B3GALT1: variants seen among roughly 807,000 people sequenced by gnomAD.
B3GALT1 encodes the protein UDP-Gal:betaGlcNAc beta 1,3-galactosyltransferase, polypeptide 1.
B3GALT1 carries 10 observed loss-of-function variants against 23.2 expected under a neutral mutation model. The observed-to-expected ratio is 0.43, with a 90% CI of 0.27 to 0.73. The LOEUF (loss-of-function observed/expected upper bound fraction) is 0.73. Among genes scored for constraint, B3GALT1 ranks in the 30% least tolerant of loss-of-function variants. The pLI, the probability that B3GALT1 is intolerant of heterozygous loss-of-function variation, is 0.21. For missense variants in B3GALT1, 299 were observed against 405.4 expected (o/e 0.74, Z 2.25); for synonymous variants, 156 against 141.5 (o/e 1.10, Z -0.73).
intron 1 of B3GALT1, among the ~76,000 whole-genome samples, chr2:167,476,870 G>A (rs1402642333): frequency 6.6e-6 from 1 of 152,216 alleles, no homozygotes; most frequent in African/African-American, 2.4e-5. Context: ...ATCACCAAAT[G>A]TGAAGAAAAG....
intron 3 of B3GALT1, among the ~76,000 whole-genome samples, chr2:167,665,916 C>T (rs1012979559): frequency 2.6e-5 from 4 of 152,004 alleles, no homozygotes; most frequent in Non-Finnish European, 5.9e-5. Context: ...AAAACCAGCT[C>T]CTGGATTCAT....
intron 3 of B3GALT1, among the ~76,000 whole-genome samples, chr2:167,685,440 C>T (rs576644105): frequency 1.4e-3 from 208 of 152,226 alleles, no homozygotes; most frequent in African/African-American, 4.7e-3. Flanking sequence ...CATAGGAAAA[C>T]AAACAAAGTA....
chr2:167,793,347 C>G (rs1688479454), intron 3 of B3GALT1, among the ~76,000 whole-genome samples: 1 of 152,172 alleles, frequency 6.6e-6, no homozygotes, highest in South Asian at 2.1e-4. Flanking sequence ...CTGCCTCACC[C>G]AATTGCTGAC....
chr2:167,708,295 AC>A (rs1219947961), intron 3 of B3GALT1, among the ~76,000 whole-genome samples: 2 of 152,218 alleles, frequency 1.3e-5, no homozygotes, highest in East Asian at 3.8e-4. Flanking sequence ...CTGATTAGAT[AC>A]CAGTTCTGCT....
At chr2:167,433,897 C>T (rs1201067050) in intron 1 of B3GALT1, among the ~76,000 whole-genome samples, 3 of 152,106 alleles carry the variant, frequency 2.0e-5, no homozygotes, top group African/African-American at 7.2e-5. Context: ...CACTGCCCTC[C>T]AACCTGGGTG....
At chr2:167,462,743 G>C (rs971537826) in intron 1 of B3GALT1, among the ~76,000 whole-genome samples, 7 of 152,190 alleles carry the variant, frequency 4.6e-5, no homozygotes, top group Non-Finnish European at 8.8e-5. Flanking sequence ...TCACCATTCT[G>C]AAGATTCTTT....
chr2:167,710,454 A>G (rs1257294282), intron 3 of B3GALT1, among the ~76,000 whole-genome samples: 2 of 152,208 alleles, frequency 1.3e-5, no homozygotes, highest in African/African-American at 2.4e-5. Context: ...CTGTGCTCCA[A>G]AGCTACCCAA....
At chr2:167,537,407 A>G (rs1175603271) in intron 2 of B3GALT1, among the ~76,000 whole-genome samples, 3 of 152,260 alleles carry the variant, frequency 2.0e-5, no homozygotes, top group Non-Finnish European at 2.9e-5. Context: ...AAATTACAGT[A>G]TCTATATGTG....
chr2:167,522,732 T>A (rs1465521158), intron 2 of B3GALT1, among the ~76,000 whole-genome samples: 1 of 152,132 alleles, frequency 6.6e-6, no homozygotes, highest in Admixed American at 6.6e-5. Context: ...GTAGGTGAAG[T>A]CCCTATCTAA....
At chr2:167,472,430 A>G (rs553190756) in intron 1 of B3GALT1, among the ~76,000 whole-genome samples, 2 of 152,068 alleles carry the variant, frequency 1.3e-5, no homozygotes, top group Non-Finnish European at 2.9e-5. Context: ...TTCCCAATTC[A>G]TAGGTCTAAT....
At chr2:167,758,578 G>A (rs1687853482) in intron 3 of B3GALT1, among the ~76,000 whole-genome samples, 1 of 152,012 alleles carries the variant, frequency 6.6e-6, no homozygotes, top group Admixed American at 6.6e-5. Flanking sequence ...TGCTGCCTCC[G>A]ATGCTGCTCC....
At chr2:167,644,031 A>G (rs1221478444) in intron 2 of B3GALT1, among the ~76,000 whole-genome samples, 3 of 152,178 alleles carry the variant, frequency 2.0e-5, no homozygotes, top group African/African-American at 7.2e-5. Flanking sequence ...GCAAAATACA[A>G]CCCAAAATTA....
chr2:167,819,402 T>A (rs897594335), intron 4 of B3GALT1, among the ~76,000 whole-genome samples: 1 of 152,212 alleles, frequency 6.6e-6, no homozygotes, highest in African/African-American at 2.4e-5. Flanking sequence ...GAATAATTGT[T>A]AAAATGTTTT....
chr2:167,757,097 T>C (rs963621590), intron 3 of B3GALT1, among the ~76,000 whole-genome samples: 2 of 152,200 alleles, frequency 1.3e-5, no homozygotes, highest in African/African-American at 4.8e-5. Flanking sequence ...ATAATAGTTA[T>C]TATCATCCAC....
At chr2:167,693,393 T>A (rs1340260497) in intron 3 of B3GALT1, among the ~76,000 whole-genome samples, 2 of 152,082 alleles carry the variant, frequency 1.3e-5, no homozygotes. Context: ...TTTTCCCATT[T>A]TAAAGCCCCG....
chr2:167,348,591 T>A (rs138205784), intron 1 of B3GALT1, among the ~76,000 whole-genome samples: 52 of 152,334 alleles, frequency 3.4e-4, no homozygotes, highest in African/African-American at 1.2e-3. Flanking sequence ...AGTTTCATCC[T>A]CTGCTCTAAA....
At chr2:167,756,102 T>G (rs1173370036) in intron 3 of B3GALT1, among the ~76,000 whole-genome samples, 2 of 152,204 alleles carry the variant, frequency 1.3e-5, no homozygotes, top group African/African-American at 4.8e-5. Flanking sequence ...CAGATTCTTT[T>G]GAGGAAAGGG....
intron 3 of B3GALT1, among the ~76,000 whole-genome samples, chr2:167,794,936 C>T (rs1688516864): frequency 6.6e-6 from 1 of 152,154 alleles, no homozygotes; most frequent in African/African-American, 2.4e-5. Context: ...CTTTCCTTTT[C>T]CCATCTTTGA....
At chr2:167,804,518 C>A (rs1212183388) in intron 3 of B3GALT1, among the ~76,000 whole-genome samples, 1 of 151,788 alleles carries the variant, frequency 6.6e-6, no homozygotes, top group African/African-American at 2.4e-5. Flanking sequence ...TGATGTTCCC[C>A]TTCCTGTGTC....
Sources: gnomAD v4.1 joint callset for allele counts (sites outside exome capture counted in the v4.1 genomes callset) on GRCh38, gnomAD v4.1.1 for gene constraint, MANE v1.5 for transcripts, NCBI Gene and HGNC (gene_info 2026-07-23, HGNC 2026-07-21) for gene names.